The following PPTC7 variants were observed in gnomAD, a reference collection of about 807,000 sequenced individuals.
PPTC7 encodes protein phosphatase targeting COQ7.
Under a neutral mutation model 30.8 loss-of-function variants are expected in PPTC7, and 6 were observed. The ratio of observed to expected loss-of-function variants is 0.19; its 90% confidence interval spans 0.11 to 0.38. The LOEUF (loss-of-function observed/expected upper bound fraction) is 0.38, where lower values mean the gene tolerates loss of function less well. Among genes scored for constraint, PPTC7 ranks in the 10% least tolerant of loss-of-function variants. The pLI, the probability that PPTC7 is intolerant of heterozygous loss-of-function variation, is 1.00. For synonymous variants in PPTC7, 163 were observed against 168.1 expected, an observed-to-expected ratio of 0.97 and a Z score of 0.23; for missense variants, 218 against 404.8, an observed-to-expected ratio of 0.54 and a Z score of 3.96.
At chr12:110,558,205 T>C (rs2064405266) in intron 1 of PPTC7, among the ~76,000 whole-genome samples, 1 of 152,204 alleles carries the variant, frequency 6.6e-6, no homozygotes, top group Admixed American at 6.5e-5. Context: ...GGCATCTTTG[T>C]GGAAGTGTTG....
At chr12:110,546,390 G>T (rs1163606721) in intron 2 of PPTC7, 5 of 312,702 alleles carry the variant, frequency 1.6e-5, no homozygotes, top group Non-Finnish European at 3.0e-5. Context: ...CATTTCAACA[G>T]TGCTGTCATC....
intron 2 of PPTC7, 39 bp from the exon 3 acceptor site, chr12:110,546,117 A>G: frequency 1.3e-6 from 2 of 1,568,136 alleles, no homozygotes; most frequent in Non-Finnish European, 1.7e-6. Flanking sequence ...TTTTCTTCCT[A>G]GGCTGCCTTT....
At position 110,579,885 on chromosome 12, in the gene PPTC7, C is replaced by T. The variant is rs138754877; in HGVS notation, c.223+2924G>A. 3.5e-3 allele frequency among the ~76,000 whole-genome samples: 534 copies of T among 152,020 alleles called. 1 individual carries two copies. The highest frequency in any genetic ancestry group is 0.012 in the African/African-American group (498 of 41,462). On this transcript the variant is annotated intron_variant, in intron 1 of 5. Coordinates refer to ENST00000354300, the MANE Select transcript of PPTC7 (RefSeq NM_139283.2). ...AAAATTAGCCGGGCGTGATGGCGCG[C>T]GCCTGTAATCCCAGCTACTCAGGTG...
chr12:110,546,288 T>A (rs1327055702), intron 2 of PPTC7: 6 of 562,996 alleles, frequency 1.1e-5, no homozygotes, highest in Non-Finnish European at 1.9e-5. Context: ...GGATTTGTAT[T>A]ATACATAGTA....
At position 110,546,074 on chromosome 12, in the gene PPTC7, G is replaced by A; in HGVS notation, c.408C>T (p.Ser136=). ...CCAGCACCACAATGCAGGCGGTGCT[G>A]CTACCTAGAAACAAAAATCATCTCC... ...LLQNKVPLLG[S]STACIVVLDR... Residue 136 remains serine, a synonymous_variant, in exon 3 of 6, where the codon AGC becomes AGT. Transcript: ENST00000354300. The A allele has an allele frequency of 6.2e-7, 1 of 1,613,208 alleles. No homozygotes were observed. Among genetic ancestry groups the A allele is most frequent in the Non-Finnish European group, 8.5e-7 (1 of 1,179,508 alleles).
intron 4 of PPTC7, among the ~76,000 whole-genome samples, 192 bp downstream of exon 4, chr12:110,539,630 T>A: frequency 6.6e-6 from 1 of 152,224 alleles, no homozygotes; most frequent in South Asian, 2.1e-4. Context: ...TACCAGCCTA[T>A]GAAAACCTTG....
At chr12:110,544,243 A>G (rs1224260580) in intron 3 of PPTC7, among the ~76,000 whole-genome samples, 1 of 152,238 alleles carries the variant, frequency 6.6e-6, no homozygotes, top group Non-Finnish European at 1.5e-5. Flanking sequence ...AATGCTGAAC[A>G]TTTAATTACA....
chr12:110,561,675 G>A (rs1022382391), intron 1 of PPTC7, among the ~76,000 whole-genome samples: 4 of 152,116 alleles, frequency 2.6e-5, no homozygotes, highest in African/African-American at 4.8e-5. Context: ...GAACGCTCCC[G>A]ACGGGGTGCA....
chr12:110,566,128 C>A (rs546551605), intron 1 of PPTC7, among the ~76,000 whole-genome samples: 3 of 149,432 alleles, frequency 2.0e-5, no homozygotes, highest in Non-Finnish European at 3.0e-5. Context: ...CATTAATCAG[C>A]GCAAACAATG....
At chr12:110,540,227 C>T (rs12311093) in intron 3 of PPTC7, among the ~76,000 whole-genome samples, 35,386 of 151,620 alleles carry the variant, frequency 0.23, 6,247 homozygotes, top group African/African-American at 0.5. Context: ...GAGGAAGGGT[C>T]CTCTTCTGAG....
At chr12:110,559,415 T>A (rs1366351152) in intron 1 of PPTC7, among the ~76,000 whole-genome samples, 5 of 151,680 alleles carry the variant, frequency 3.3e-5, no homozygotes, top group African/African-American at 1.2e-4. Context: ...GAAAAAAATT[T>A]TTTTTTTTTT....
At chr12:110,569,825 T>C (rs2064517717) in intron 1 of PPTC7, among the ~76,000 whole-genome samples, 2 of 152,270 alleles carry the variant, frequency 1.3e-5, no homozygotes, top group Non-Finnish European at 2.9e-5. Flanking sequence ...GAAGTTTCAA[T>C]AATGATTTAG....
intron 4 of PPTC7, among the ~76,000 whole-genome samples, chr12:110,539,058 C>T (rs2064238171): frequency 6.6e-6 from 1 of 152,144 alleles, no homozygotes; most frequent in African/African-American, 2.4e-5. Flanking sequence ...AGCACGGTGC[C>T]TGTGACAAGG....
chr12:110,542,689 A>AG (rs1380949783), intron 3 of PPTC7, among the ~76,000 whole-genome samples: 1 of 150,656 alleles, frequency 6.6e-6, no homozygotes, highest in Admixed American at 6.6e-5. Flanking sequence ...AAAAAAAAAA[A>AG]AAAAAAAAAA....
chr12:110,576,645 G>T (rs2064591424), intron 1 of PPTC7, among the ~76,000 whole-genome samples: 2 of 152,132 alleles, frequency 1.3e-5, no homozygotes, highest in Admixed American at 6.5e-5. Context: ...CGATCCATTT[G>T]TATGAAATGT....
chr12:110,557,544 C>A (rs1384199195), intron 1 of PPTC7, among the ~76,000 whole-genome samples: 4 of 152,116 alleles, frequency 2.6e-5, no homozygotes, highest in Non-Finnish European at 5.9e-5. Flanking sequence ...TCCCAAAGTG[C>A]CGAGATTATG....
chr12:110,581,578 G>A (rs147327959), intron 1 of PPTC7, among the ~76,000 whole-genome samples: 103 of 152,258 alleles, frequency 6.8e-4, no homozygotes, highest in African/African-American at 2.4e-3. Context: ...TATCAATAGC[G>A]TTGCCTAAAC....
At chr12:110,581,043 C>A (rs760513103) in intron 1 of PPTC7, among the ~76,000 whole-genome samples, 1 of 152,172 alleles carries the variant, frequency 6.6e-6, no homozygotes, top group Non-Finnish European at 1.5e-5. Context: ...AGCCACCACG[C>A]GCAGCCCAGC....
chr12:110,556,607 G>C (rs903649329), intron 1 of PPTC7, among the ~76,000 whole-genome samples: 2 of 152,202 alleles, frequency 1.3e-5, no homozygotes, highest in African/African-American at 4.8e-5. Flanking sequence ...ACTGTTAAAG[G>C]AGAAATTGCT....
Sources: gnomAD v4.1 joint callset for allele counts (sites outside exome capture counted in the v4.1 genomes callset) on GRCh38, gnomAD v4.1.1 for gene constraint, MANE v1.5 for transcripts, NCBI Gene and HGNC (gene_info 2026-07-23, HGNC 2026-07-21) for gene names.